MGAT4C: variants seen among roughly 807,000 people sequenced by gnomAD.
MGAT4C encodes the protein MGAT4 family member C.
A neutral mutation model predicts 40.1 loss-of-function variants in MGAT4C; 19 were observed. That is an observed-to-expected ratio of 0.47 (90% CI 0.33 to 0.70). The LOEUF is 0.70. Ranked by LOEUF, MGAT4C falls within the 30% of genes least tolerant of loss-of-function variation. The pLI is 0.02. For missense variants in MGAT4C, 491 were observed against 563.2 expected, an observed-to-expected ratio of 0.87 and a Z score of 1.30; for synonymous variants, 181 against 187.1, an observed-to-expected ratio of 0.97 and a Z score of 0.27.
chr12:86,425,494 C>G (rs374655704), intron 3 of MGAT4C, among the ~76,000 whole-genome samples: 15 of 152,202 alleles, frequency 9.9e-5, no homozygotes, highest in Admixed American at 3.3e-4. Context: ...GAGGCCTCTG[C>G]AGCCATGCAG....
chr12:86,556,173 A>G lies in MGAT4C; in HGVS notation c.-228-120908T>C, dbSNP rs150552233. Among the ~76,000 whole-genome samples the G allele has an allele frequency of 1.4e-3, 210 of 152,330 alleles. 1 individual carries two copies. The highest frequency in any genetic ancestry group is 1.5e-3 in the Non-Finnish European group (105 of 68,026). On this transcript the variant is annotated intron_variant, in intron 2 of 7. Coordinates refer to the MGAT4C transcript ENST00000548651. ...ACCACTTAGCGAGACTTGAGTGACCATTGTTAAATAATTAGACTTTAAAAA... is the reference window on the plus strand; with the variant it reads ...ACCACTTAGCGAGACTTGAGTGACCGTTGTTAAATAATTAGACTTTAAAAA...
chr12:86,624,383 G>A (rs1453231214), intron 2 of MGAT4C, among the ~76,000 whole-genome samples: 1 of 152,074 alleles, frequency 6.6e-6, no homozygotes, highest in Non-Finnish European at 1.5e-5. Flanking sequence ...AATGGTTAAG[G>A]CAGAATTGTA....
At chr12:86,202,591 T>A (rs1950092011) in intron 1 of MGAT4C, among the ~76,000 whole-genome samples, 2 of 152,112 alleles carry the variant, frequency 1.3e-5, no homozygotes, top group Admixed American at 1.3e-4. Context: ...CCATTGTTAC[T>A]TTTAATATTT....
chr12:86,584,969 T>A (rs1039689079), intron 2 of MGAT4C, among the ~76,000 whole-genome samples: 1 of 151,382 alleles, frequency 6.6e-6, no homozygotes, highest in Non-Finnish European at 1.5e-5. Flanking sequence ...ATATAGCAGG[T>A]TGAGCCATGT....
chr12:86,524,892 T>G (rs181578595), intron 2 of MGAT4C, among the ~76,000 whole-genome samples: 1 of 152,214 alleles, frequency 6.6e-6, no homozygotes, highest in African/African-American at 2.4e-5. Flanking sequence ...GAAACTCTTA[T>G]AGTGTGTTTT....
At chr12:86,219,732 G>A (rs186308052) in intron 1 of MGAT4C, among the ~76,000 whole-genome samples, 1 of 152,112 alleles carries the variant, frequency 6.6e-6, no homozygotes, top group East Asian at 1.9e-4. Context: ...AGATTTCTTT[G>A]GTCAAAGGTA....
At chr12:86,772,517 T>TAAA (rs1951656331) in intron 1 of MGAT4C, among the ~76,000 whole-genome samples, 1 of 152,074 alleles carries the variant, frequency 6.6e-6, no homozygotes, top group Non-Finnish European at 1.5e-5. Flanking sequence ...GTCTCCTCCT[T>TAAA]GGTTCTAAAT....
Position 86,194,388 on chromosome 12 carries a change from A to T in MGAT4C, c.-57+61851T>A, listed in dbSNP as rs541694871. ...TAGAAAGGTAATCTGAGATTTTTTA[A>T]TGTAGGTATTTTCAGCCATAAGGGA... On this transcript the variant is annotated intron_variant, in intron 1 of 4. Coordinates refer to ENST00000611864, the MANE Select transcript of MGAT4C (RefSeq NM_001351288.2). Among the ~76,000 whole-genome samples, 7 of 152,194 alleles carry T rather than the reference A, an allele frequency of 4.6e-5. No homozygotes were observed. In the South Asian group the frequency reaches 1.5e-3, roughly 32 times the overall value.
chr12:86,451,694 T>G (rs928619572), intron 2 of MGAT4C, among the ~76,000 whole-genome samples: 6 of 152,120 alleles, frequency 3.9e-5, no homozygotes, highest in Non-Finnish European at 7.3e-5. Flanking sequence ...TTTTATGGTC[T>G]CTGTTCTTCA....
Position 86,367,420 on chromosome 12 carries a change from C to A in MGAT4C, c.-119-33293G>T, listed in dbSNP as rs530529003. On this transcript the variant is annotated intron_variant, in intron 3 of 7. Transcript: ENST00000548651. The stretch of plus-strand genomic sequence containing the variant: ...CTGCAGGAAGATGTTTGGGAACACA[C>A]AACTCTCCCTCCCAGATAAGCACAA... Among the ~76,000 whole-genome samples the A allele has an allele frequency of 9.3e-4, 141 of 152,228 alleles. 1 individual carries two copies. Among genetic ancestry groups the A allele is most frequent in the African/African-American group, 3.1e-3 (127 of 41,556 alleles).
At chr12:86,097,869 C>T (rs1874234037) in intron 1 of MGAT4C, among the ~76,000 whole-genome samples, 1 of 151,610 alleles carries the variant, frequency 6.6e-6, no homozygotes, top group African/African-American at 2.4e-5. Context: ...GCTACTACTG[C>T]ATCTTCCCCT....
chr12:86,033,563 T>A (rs967298341), intron 2 of MGAT4C, among the ~76,000 whole-genome samples: 5 of 149,480 alleles, frequency 3.3e-5, no homozygotes, highest in Non-Finnish European at 7.5e-5. Context: ...TCAGCTTGGA[T>A]GTTCTATAGA....
At chr12:86,822,338 G>A (rs1277060934) in intron 1 of MGAT4C, among the ~76,000 whole-genome samples, 1 of 151,062 alleles carries the variant, frequency 6.6e-6, no homozygotes, top group Non-Finnish European at 1.5e-5. Context: ...ATGGCAGTAG[G>A]AAATCTTCCC....
chr12:86,737,723 GTCAATAACAAT>G (rs757114134), intron 1 of MGAT4C, among the ~76,000 whole-genome samples: 1 of 151,006 alleles, frequency 6.6e-6, no homozygotes, highest in African/African-American at 2.4e-5. Flanking sequence ...CACCAACACA[GTCAATAACAAT>G]TCTTTCCTTC....
At chr12:86,461,368 C>T (rs1365889629) in intron 2 of MGAT4C, among the ~76,000 whole-genome samples, 1 of 151,684 alleles carries the variant, frequency 6.6e-6, no homozygotes, top group African/African-American at 2.4e-5. Flanking sequence ...GCCTCAGCCT[C>T]CCGAGTAGCT....
intron 2 of MGAT4C, among the ~76,000 whole-genome samples, chr12:86,714,359 C>T (rs1950607757): frequency 6.6e-6 from 1 of 152,026 alleles, no homozygotes; most frequent in Admixed American, 6.6e-5. Flanking sequence ...TAAATACATA[C>T]AAAGCAGGGA....
At chr12:86,316,281 A>C (rs1954228430) in intron 4 of MGAT4C, among the ~76,000 whole-genome samples, 1 of 152,114 alleles carries the variant, frequency 6.6e-6, no homozygotes, top group Non-Finnish European at 1.5e-5. Flanking sequence ...ATGTAAATTA[A>C]TTTAGTCACT....
intron 2 of MGAT4C, among the ~76,000 whole-genome samples, chr12:86,472,978 T>C (rs1270942801): frequency 6.6e-6 from 1 of 152,094 alleles, no homozygotes; most frequent in Non-Finnish European, 1.5e-5. Context: ...TATTTAGAGA[T>C]GGAGTCTCGC....
intron 2 of MGAT4C, among the ~76,000 whole-genome samples, chr12:86,507,397 T>G (rs904664787): frequency 2.0e-5 from 3 of 152,198 alleles, no homozygotes; most frequent in African/African-American, 7.2e-5. Context: ...AAAATGGGCA[T>G]GTGCTTTGAC....
Sources: gnomAD v4.1 joint callset for allele counts (sites outside exome capture counted in the v4.1 genomes callset) on GRCh38, gnomAD v4.1.1 for gene constraint, MANE v1.5 for transcripts, NCBI Gene and HGNC (gene_info 2026-07-23, HGNC 2026-07-21) for gene names.